The following POU5F2 variants were observed in gnomAD, a reference collection of about 807,000 sequenced individuals.
POU5F2 encodes the protein POU domain class 5, transcription factor 2.
For synonymous variants in POU5F2, 191 were observed against 178.7 expected (o/e 1.07, Z -0.55); for missense variants, 401 against 426.6 (o/e 0.94, Z 0.53).
Position 93,739,691 on chromosome 5 carries a change from T to C in POU5F2, c.*886A>G, listed in dbSNP as rs561175779. ...TGAAATTAGAAGAGTTATTTGACGT[T>C]TAATGGCAAAAACCACCAGGGAAGT... On this transcript the variant is annotated 3_prime_UTR_variant, in exon 1 of 1. Transcript: ENST00000606183. 6.6e-6 allele frequency: 1 copy of C among 152,244 alleles called. No homozygotes were observed. Among genetic ancestry groups the C allele is most frequent in the South Asian group, 2.1e-4 (1 of 4,820 alleles). The allele number at this position is 152,244 out of a possible 1,614,324, so 9.4% of individuals were successfully genotyped here. A position where few individuals can be genotyped will look rare whatever the true frequency, so the allele number is the denominator to read the frequency against.
Position 93,741,481 on chromosome 5 carries a change from C to A in POU5F2, c.83G>T (p.Arg28Leu). 1 of 1,613,274 alleles carries A rather than the reference C, an allele frequency of 6.2e-7. No individual in the cohort carries two copies. The highest frequency in any genetic ancestry group is 8.5e-7 in the Non-Finnish European group (1 of 1,179,674). The change falls in exon 1 of 1, where the codon CGG becomes CTG. Residue 28 changes from arginine (R) to leucine (L), a missense_variant. Transcript: ENST00000606183. ...GGGPRGPMPLRVDTLTWLSTQ... is the reference protein window; with the variant it reads ...GGGPRGPMPLLVDTLTWLSTQ... ...GCTCAACCAGGTCAGAGTGTCAACC[C>A]GCAGGGGCATCGGCCCTCTGGGGCC...
In POU5F2 at chr5:93,733,785, C is replaced by T. The variant is rs1300832745; in HGVS notation, c.*6792G>A. ...AGAATCACTTTGTCAAGGACATTTC[C>T]ACTAGGTTTAATTGCAATGGTTTTG... is the stretch of plus-strand genomic sequence containing the variant. On this transcript the variant is annotated 3_prime_UTR_variant, in exon 1 of 1. Transcript: ENST00000606183. 2 of 152,100 alleles carry T rather than the reference C, an allele frequency of 1.3e-5. No homozygotes were observed. The highest frequency in any genetic ancestry group is 2.9e-5 in the Non-Finnish European group (2 of 68,030). 9.4% of individuals were successfully genotyped at this position (152,100 alleles called of 1,614,324 possible).
At position 93,734,345 on chromosome 5, in the gene POU5F2, T is replaced by C. The variant is rs1169116563; in HGVS notation, c.*6232A>G. On this transcript the variant is annotated 3_prime_UTR_variant, in exon 1 of 1. Transcript: ENST00000606183. The stretch of plus-strand genomic sequence containing the variant: ...TTCAAAGAAAACCAGAAATTACCTA[T>C]TATATAGGTACTGTCAAAAGAAATC... The C allele has an allele frequency of 6.6e-6, 1 of 152,110 alleles. No homozygotes were observed. Among genetic ancestry groups the C allele is most frequent in the Non-Finnish European group, 1.5e-5 (1 of 68,016 alleles). The allele number at this position is 152,110 out of a possible 1,614,324, so 9.4% of individuals were successfully genotyped here.
chr5:93,740,535 C>T lies in POU5F2; in HGVS notation c.*42G>A. On this transcript the variant is annotated 3_prime_UTR_variant, in exon 1 of 1. Coordinates refer to ENST00000606183, the MANE Select transcript of POU5F2 (RefSeq NM_153216.2). ...GACATTTCCTGGGTTTTCCCTTCTT[C>T]TCCCCTCTCCAACCGTGCCGTGAAG... is the stretch of plus-strand genomic sequence containing the variant. 1 of 1,535,796 alleles carries T rather than the reference C, an allele frequency of 6.5e-7. No homozygotes were observed. Among genetic ancestry groups the T allele is most frequent in the East Asian group, 2.3e-5 (1 of 43,964 alleles).
Position 93,734,597 on chromosome 5 carries a change from T to G in POU5F2, c.*5980A>C, listed in dbSNP as rs1746816105. ...GGAAATACAAGATAACCAAAATGTT[T>G]GATAATGAAACATTTTCAGAATGAC... On this transcript the variant is annotated 3_prime_UTR_variant, in exon 1 of 1. Transcript: ENST00000606183. 6.6e-6 allele frequency: 1 copy of G among 152,182 alleles called. No homozygotes were observed. Among genetic ancestry groups the G allele is most frequent in the Admixed American group, 6.5e-5 (1 of 15,284 alleles). 9.4% of individuals were successfully genotyped at this position (152,182 alleles called of 1,614,324 possible). A position where few individuals can be genotyped will look rare whatever the true frequency, so the allele number is the denominator to read the frequency against.
In POU5F2 at chr5:93,741,541, T is replaced by G; in HGVS notation, c.23A>C (p.Asn8Thr). 1 of 1,587,246 alleles carries G rather than the reference T, an allele frequency of 6.3e-7. No homozygotes were observed. The highest frequency in any genetic ancestry group is 1.1e-5 in the South Asian group (1 of 87,416). Reference sequence around the variant, plus strand: ...ACTGCCTGGAAGGGGGCAGAAGTGGTTTGAGGGCCTGTGTCCGGCCATGGG... The same window carrying G: ...ACTGCCTGGAAGGGGGCAGAAGTGGGTTGAGGGCCTGTGTCCGGCCATGGG... MAGHRPS[N>T]HFCPLPGSGG... The change falls in exon 1 of 1, where the codon AAC becomes ACC. Residue 8 changes from asparagine to threonine, a missense_variant. Asn to Thr is a moderately conservative substitution (Grantham distance 65). Transcript: ENST00000606183.
rs1464864372 is a variant in POU5F2 at position 93,736,760 on chromosome 5, C to G, written c.*3817G>C. 1 of 152,048 alleles carries G rather than the reference C, an allele frequency of 6.6e-6. No homozygotes were observed. Among genetic ancestry groups the G allele is most frequent in the Non-Finnish European group, 1.5e-5 (1 of 68,014 alleles). 9.4% of individuals were successfully genotyped at this position (152,048 alleles called of 1,614,324 possible). ...CAGAGAAACTGTCAAAAACCCATAC[C>G]CTCGCATATAAAACATTCAATAACC... On this transcript the variant is annotated 3_prime_UTR_variant, in exon 1 of 1. Transcript: ENST00000606183.
At position 93,736,934 on chromosome 5, in the gene POU5F2, G is replaced by A. The variant is rs1747338665; in HGVS notation, c.*3643C>T. On this transcript the variant is annotated 3_prime_UTR_variant, in exon 1 of 1. Coordinates refer to ENST00000606183, the MANE Select transcript of POU5F2 (RefSeq NM_153216.2). ...TCTTCTGCTACTTTTATACAACACA[G>A]TACTACACATTTTTGCCAGAGCAAG... 6.6e-6 allele frequency: 1 copy of A among 152,050 alleles called. No individual in the cohort carries two copies. The highest frequency in any genetic ancestry group is 6.6e-5 in the Admixed American group (1 of 15,250). 9.4% of individuals were successfully genotyped at this position (152,050 alleles called of 1,614,324 possible). A position where few individuals can be genotyped will look rare whatever the true frequency, so the allele number is the denominator to read the frequency against.
rs1275056949 is a variant in POU5F2, at chr5:93,735,214, T to A, written c.*5363A>T. The A allele has an allele frequency of 6.6e-6, 1 of 152,252 alleles. No homozygotes were observed. Among genetic ancestry groups the A allele is most frequent in the African/African-American group, 2.4e-5 (1 of 41,454 alleles). 9.4% of individuals were successfully genotyped at this position (152,252 alleles called of 1,614,324 possible). A position where few individuals can be genotyped will look rare whatever the true frequency, so the allele number is the denominator to read the frequency against. On this transcript the variant is annotated 3_prime_UTR_variant, in exon 1 of 1. Transcript: ENST00000606183. ...TAAAGTTTCTACATATCATCTTAAA[T>A]CTCTGAAAAATCTGAAATCACTTCA...
Position 93,740,730 on chromosome 5 carries a change from C to T in POU5F2, c.834G>A (p.Val278=), listed in dbSNP as rs1748230042. 1.9e-6 allele frequency: 3 copies of T among 1,612,808 alleles called. No individual in the cohort carries two copies. ...PTNDASPREI[V]GTAGPPCPGA... ...CTGGGCAAGGAGGCCCGGCTGTCCC[C>T]ACAATCTCCCGTGGGGAAGCATCAT... is the stretch of plus-strand genomic sequence containing the variant. Residue 278 remains valine, a synonymous_variant, in exon 1 of 1, where the codon GTG becomes GTA. Transcript: ENST00000606183.
chr5:93,741,073 AT>A, the POU5F2 span: 1 of 1,613,914 alleles, frequency 6.2e-7, no homozygotes. Flanking sequence ...GAAGCGGCAG[AT>A]GGTCGTCTGG....
In POU5F2 at chr5:93,740,611, G is replaced by C. The variant is rs748857697; in HGVS notation, c.953C>G (p.Ala318Gly). The C allele has an allele frequency of 6.2e-7, 1 of 1,602,744 alleles. No homozygotes were observed. The highest frequency in any genetic ancestry group is 1.7e-5 in the Admixed American group (1 of 59,822). Residue 318 changes from alanine (A) to glycine (G), a missense_variant, in exon 1 of 1, where the codon GCC becomes GGC. Transcript: ENST00000606183. ...GAGGAGGCCCAGAGTGGTGGCTGGG[G>C]CAGAGGAGTGGGCTACCCCTGCAGA... is the stretch of plus-strand genomic sequence containing the variant. ...LYSAGVAHSS[A>G]PATTLGLLRF
chr5:93,741,209 T>A lies in POU5F2; in HGVS notation c.355A>T (p.Ile119Phe). Residue 119 changes from isoleucine (I) to phenylalanine (F), a missense_variant, in exon 1 of 1, where the codon ATC (isoleucine) becomes TTC (phenylalanine). Coordinates refer to ENST00000606183, the MANE Select transcript of POU5F2 (RefSeq NM_153216.2). Reference sequence around the variant, plus strand: ...TGCAACTCTTTCAGTATGCCCGAGATGTCCTCTGGCGGCGGCAACTTCGGA... The same window carrying A: ...TGCAACTCTTTCAGTATGCCCGAGAAGTCCTCTGGCGGCGGCAACTTCGGA... ...SIPKLPPPED[I>F]SGILKELQQL... 6.2e-7 allele frequency: 1 copy of A among 1,613,908 alleles called. No homozygotes were observed. Among genetic ancestry groups the A allele is most frequent in the Middle Eastern group, 1.6e-4 (1 of 6,062 alleles).
At position 93,741,120 on chromosome 5, in the gene POU5F2, C is replaced by A. The variant is rs747250845; in HGVS notation, c.444G>T (p.Gly148=). 2 of 1,613,896 alleles carry A rather than the reference C, an allele frequency of 1.2e-6. No homozygotes were observed. The highest frequency in any genetic ancestry group is 2.2e-5 in the South Asian group (2 of 91,086). ...LSLGYSQADV[G]IAVGALFGKV... is the part of the protein sequence containing the mutation. ...TCCCAAACAGAGCTCCCACAGCGAT[C>A]CCCACATCGGCCTGCGAGTACCCTA... The change falls in exon 1 of 1, where the codon GGG becomes GGT. Residue 148 remains glycine (G), a synonymous_variant. Coordinates refer to ENST00000606183, the MANE Select transcript of POU5F2 (RefSeq NM_153216.2).
At position 93,740,670 on chromosome 5, in the gene POU5F2, G is replaced by A. The variant is rs771696602; in HGVS notation, c.894C>T (p.Leu298=). Reference sequence around the variant, plus strand: ...GTGTATAGTGGGGGATATCCACTGGGAGCCCCAGTCCCAGGTGAAAGCACA... The same window carrying A: ...GTGTATAGTGGGGGATATCCACTGGAAGCCCCAGTCCCAGGTGAAAGCACA... The part of the protein sequence containing the change: ...APVCFHLGLG[L]PVDIPHYTRL... The change falls in exon 1 of 1, where the codon CTC becomes CTT. Residue 298 remains leucine (L), a synonymous_variant. Coordinates refer to ENST00000606183, the MANE Select transcript of POU5F2 (RefSeq NM_153216.2). The A allele has an allele frequency of 2.4e-5, 39 of 1,613,826 alleles. No homozygotes were observed. Among genetic ancestry groups the A allele is most frequent in the Non-Finnish European group, 3.2e-5 (38 of 1,179,868 alleles).
rs1035676234 is a variant in POU5F2, at chr5:93,740,290, A to T, written c.*287T>A. On this transcript the variant is annotated 3_prime_UTR_variant, in exon 1 of 1. Transcript: ENST00000606183. Reference sequence around the variant, plus strand: ...AGGAATAACAGACACAATATTTAATAAAAAAAGGAACAAAATATCGAAACC... The same window carrying T: ...AGGAATAACAGACACAATATTTAATTAAAAAAGGAACAAAATATCGAAACC... 11 of 299,226 alleles carry T rather than the reference A, an allele frequency of 3.7e-5. No individual in the cohort carries two copies. The highest frequency in any genetic ancestry group is 5.6e-5 in the Non-Finnish European group (9 of 161,966). 18.5% of individuals were successfully genotyped at this position (299,226 alleles called of 1,614,324 possible).
rs910772512 is a variant in POU5F2 at position 93,738,926 on chromosome 5, C to G, written c.*1651G>C. 2.0e-5 allele frequency: 3 copies of G among 152,108 alleles called. No homozygotes were observed. Among genetic ancestry groups the G allele is most frequent in the Admixed American group, 1.3e-4 (2 of 15,268 alleles). The allele number at this position is 152,108 out of a possible 1,614,324, so 9.4% of individuals were successfully genotyped here. The stretch of plus-strand genomic sequence containing the variant: ...ACTGAATTTACACTTAAAATCATTA[C>G]AATGGCAAATTTTATATTTTATCAC... On this transcript the variant is annotated 3_prime_UTR_variant, in exon 1 of 1. Coordinates refer to ENST00000606183, the MANE Select transcript of POU5F2 (RefSeq NM_153216.2).
At chr5:93,740,637 G>C in the POU5F2 span, 1 of 1,613,224 alleles carries the variant, frequency 6.2e-7, no homozygotes, top group Non-Finnish European at 8.5e-7. Context: ...CCCCTGCAGA[G>C]TAGAGACGTG....
At chr5:93,741,494 GC>G in the POU5F2 span, 1 of 1,612,048 alleles carries the variant, frequency 6.2e-7, no homozygotes, top group Non-Finnish European at 8.5e-7. Context: ...AGGGGCATCG[GC>G]CCTCTGGGGC....
Sources: gnomAD v4.1 joint callset for allele counts on GRCh38, gnomAD v4.1.1 for gene constraint, MANE v1.5 for transcripts, NCBI Gene and HGNC (gene_info 2026-07-23, HGNC 2026-07-21) for gene names.